Variants in SGK1 observed in about 807,000 individuals in gnomAD.
SGK1 encodes the protein serine/threonine-protein kinase Sgk1.
Under a neutral mutation model 64.2 loss-of-function variants are expected in SGK1, and 26 were observed. The observed-to-expected ratio is 0.40, with a 90% CI of 0.30 to 0.56. SGK1 has a LOEUF of 0.56. Among genes scored for constraint, SGK1 ranks in the 20% least tolerant of loss-of-function variants. SGK1 has a pLI of 0.38. For synonymous variants in SGK1, 265 were observed against 239.7 expected (o/e 1.11, Z -0.98); for missense variants, 519 against 645.6 (o/e 0.80, Z 2.12).
intron 3 of SGK1, among the ~76,000 whole-genome samples, chr6:134,190,318 C>T (rs1388109125): frequency 4.8e-5 from 7 of 144,732 alleles, no homozygotes. Flanking sequence ...TAGAGTCTGG[C>T]TGTATCACCC....
intron 2 of SGK1, among the ~76,000 whole-genome samples, chr6:134,214,199 G>GT (rs59547339): frequency 1.3e-3 from 191 of 152,086 alleles, no homozygotes; most frequent in African/African-American, 4.4e-3. Context: ...AAGATTAGGT[G>GT]TTAGCCACCA....
At chr6:134,171,550 G>C in intron 11 of SGK1, 87 bp downstream of exon 11, 1 of 916,886 alleles carries the variant, frequency 1.1e-6, no homozygotes, top group Non-Finnish European at 1.8e-6. Flanking sequence ...ACTGGTAAGG[G>C]CAAGACACCA....
At chr6:134,261,064 T>C (rs923587689) in intron 2 of SGK1, 1 of 152,234 alleles carries the variant, frequency 6.6e-6, no homozygotes, top group Admixed American at 6.5e-5. Context: ...TTTTGAAATC[T>C]TAGAAACTGC....
chr6:134,297,210 C>A, intron 1 of SGK1: 1 of 891,718 alleles, frequency 1.1e-6, no homozygotes. Flanking sequence ...ATTCTGTATC[C>A]CAGACTCCAG....
chr6:134,207,444 A>C lies in SGK1; in HGVS notation c.286-13T>G. On this transcript the variant is annotated splice_polypyrimidine_tract_variant and intron_variant, in intron 2 of 13. Transcript: ENST00000367858. The stretch of plus-strand genomic sequence containing the variant: ...ATGGCTCTCTCACCTTTAAAACATA[A>C]AGAGAAAAGAAGTGATATAAAAATG... 6.4e-7 allele frequency: 1 copy of C among 1,571,388 alleles called. No individual in the cohort carries two copies. The highest frequency in any genetic ancestry group is 8.8e-7 in the Non-Finnish European group (1 of 1,142,794).
intron 1 of SGK1, among the ~76,000 whole-genome samples, chr6:134,278,077 A>G (rs9493883): frequency 0.3 from 45,093 of 151,996 alleles, 7,318 homozygotes; most frequent in East Asian, 0.63. Flanking sequence ...GTCCTTTCCG[A>G]CTGTGTCACA....
intron 2 of SGK1, among the ~76,000 whole-genome samples, chr6:134,258,761 C>T (rs1242363196): frequency 2.6e-5 from 4 of 152,018 alleles, no homozygotes; most frequent in Non-Finnish European, 4.4e-5. Flanking sequence ...AACACCCAAG[C>T]GGGGGCAGAT....
At chr6:134,170,959 A>G (rs368715534) in intron 12 of SGK1, 44 bp from the exon 13 acceptor site, 592 of 1,608,424 alleles carry the variant, frequency 3.7e-4, no homozygotes, top group Non-Finnish European at 4.7e-4. Context: ...GGTGCATTCA[A>G]TAAGGGCAGG....
At chr6:134,313,035 A>G (rs879409238) in intron 1 of SGK1, among the ~76,000 whole-genome samples, 12 of 152,154 alleles carry the variant, frequency 7.9e-5, no homozygotes, top group Non-Finnish European at 1.6e-4. Flanking sequence ...ACCCTCCCAA[A>G]GTTCTGGCAT....
At chr6:134,308,963 G>A (rs1423023757) in intron 1 of SGK1, among the ~76,000 whole-genome samples, 1 of 152,170 alleles carries the variant, frequency 6.6e-6, no homozygotes, top group Admixed American at 6.5e-5. Flanking sequence ...GAGAGAAAGT[G>A]GAAGAACCAC....
chr6:134,213,150 T>C (rs1425813854), intron 2 of SGK1, among the ~76,000 whole-genome samples: 7 of 152,184 alleles, frequency 4.6e-5, no homozygotes, highest in African/African-American at 1.7e-4. Context: ...GAACTATATA[T>C]ACTGCAACTG....
chr6:134,222,849 T>C (rs1279391402), intron 2 of SGK1, among the ~76,000 whole-genome samples: 1 of 152,212 alleles, frequency 6.6e-6, no homozygotes, highest in Non-Finnish European at 1.5e-5. Context: ...CAATCATAGC[T>C]ACCCATTATA....
At position 134,169,947 on chromosome 6, in the gene SGK1, A is replaced by G. The variant is rs1774954926; in HGVS notation, c.*321T>C. ...TAATATTCGTCATCACAGCCCAGAC[A>G]GATCTGCAGGAGACCTTTTTTAGAA... On this transcript the variant is annotated 3_prime_UTR_variant, in exon 14 of 14. Transcript: ENST00000367858. 1 of 188,270 alleles carries G rather than the reference A, an allele frequency of 5.3e-6. No homozygotes were observed. Among genetic ancestry groups the G allele is most frequent in the Admixed American group, 5.7e-5 (1 of 17,520 alleles). 11.7% of individuals were successfully genotyped at this position (188,270 alleles called of 1,614,324 possible).
At chr6:134,306,156 A>G (rs1282838506) in intron 1 of SGK1, among the ~76,000 whole-genome samples, 1 of 152,156 alleles carries the variant, frequency 6.6e-6, no homozygotes, top group East Asian at 1.9e-4. Context: ...GCGGTGGCTC[A>G]AAGTGCCTGT....
At chr6:134,202,586 T>C (rs1775703491) in intron 3 of SGK1, among the ~76,000 whole-genome samples, 1 of 152,024 alleles carries the variant, frequency 6.6e-6, no homozygotes, top group African/African-American at 2.4e-5. Flanking sequence ...AGGTGGAAGT[T>C]GCAGTGAGCT....
At chr6:134,207,641 G>C (rs900273924) in intron 2 of SGK1, among the ~76,000 whole-genome samples, 2 of 152,158 alleles carry the variant, frequency 1.3e-5, no homozygotes, top group African/African-American at 4.8e-5. Context: ...TGGGCAAACC[G>C]GGACAGTTGG....
intron 2 of SGK1, among the ~76,000 whole-genome samples, chr6:134,240,760 C>G (rs562497310): frequency 1.3e-5 from 2 of 152,030 alleles, no homozygotes; most frequent in South Asian, 4.1e-4. Flanking sequence ...TGTTTGTGAA[C>G]AAGTAGAGAG....
chr6:134,244,741 AC>A (rs1171623178), intron 2 of SGK1, among the ~76,000 whole-genome samples: 3 of 152,212 alleles, frequency 2.0e-5, no homozygotes, highest in Non-Finnish European at 4.4e-5. Flanking sequence ...GGAGCTGCAG[AC>A]CAGAGCTGTT....
At position 134,171,085 on chromosome 6, in the gene SGK1, G is replaced by A; in HGVS notation, c.1261C>T (p.His421Tyr). The A allele has an allele frequency of 1.2e-6, 2 of 1,614,076 alleles. No individual in the cohort carries two copies. The highest frequency in any genetic ancestry group is 2.2e-5 in the East Asian group (1 of 44,886). Residue 421 changes from histidine (H) to tyrosine (Y), a missense_variant, in exon 12 of 14, where the codon CAC becomes TAC. By Grantham distance (83) the His-to-Tyr change is moderately conservative. Coordinates refer to ENST00000367858, the MANE Select transcript of SGK1 (RefSeq NM_001143676.3). ...TTCTGCAGGAGGCCCTCCAGGAGGT[G>A]TCTTGCGGAATTTGTAATATTTGGT... ...LKPNITNSAR[H>Y]LLEGLLQKDR...
Sources: allele counts gnomAD v4.1 joint callset (sites outside exome capture counted in the v4.1 genomes callset), GRCh38; gene constraint gnomAD v4.1.1; transcripts MANE v1.5; gene names NCBI Gene and HGNC (gene_info 2026-07-23, HGNC 2026-07-21).